Variants in KMT2D observed in about 807,000 individuals in gnomAD.
The protein encoded by KMT2D is histone-lysine N-methyltransferase 2D.
A neutral mutation model predicts 512.7 loss-of-function variants in KMT2D; 55 were observed. The observed-to-expected ratio is 0.11, with a 90% CI of 0.09 to 0.13. The LOEUF is 0.13. KMT2D is among the 10% of genes least tolerant of loss of function. The pLI, the probability that KMT2D is intolerant of heterozygous loss-of-function variation, is 1.00. For missense variants in KMT2D, 6,061 were observed against 7,127.9 expected (o/e 0.85, Z 5.39); for synonymous variants, 2,995 against 2,904.0 (o/e 1.03, Z -1.01).
At position 49,037,507 on chromosome 12, in the gene KMT2D, ATGC is replaced by A. The variant is rs758215754; in HGVS notation, c.9846_9848del (p.Gln3282del). 2 of 1,557,420 alleles carry A rather than the reference ATGC, an allele frequency of 1.3e-6. No homozygotes were observed. The highest frequency in any genetic ancestry group is 8.7e-7 in the Non-Finnish European group (1 of 1,150,426). ...CAGGGCCTGGTGCAGACAGTAGGGA[ATGC>A]TGCTGCTGCTGTTGCTGCTGCTGCT... On this transcript the variant is annotated inframe_deletion, in exon 35 of 55. Coordinates refer to ENST00000301067, the MANE Select transcript of KMT2D (RefSeq NM_003482.4).
Position 49,045,968 on chromosome 12 carries a change from C to T in KMT2D, c.4694-1G>A, listed in dbSNP as rs1489040551. On this transcript the variant is annotated splice_acceptor_variant, in intron 18 of 54. Coordinates refer to ENST00000301067, the MANE Select transcript of KMT2D (RefSeq NM_003482.4). LOFTEE classifies it high-confidence loss of function. Reference sequence around the variant, plus strand: ...ACCAGCTCTGGAGGTGCAACAGGCGCTATGGAGAGAAGGACAAACGGAGGT... The same window carrying T: ...ACCAGCTCTGGAGGTGCAACAGGCGTTATGGAGAGAAGGACAAACGGAGGT... 6.2e-7 allele frequency: 1 copy of T among 1,613,858 alleles called. No individual in the cohort carries two copies. The highest frequency in any genetic ancestry group is 1.3e-5 in the African/African-American group (1 of 74,912).
At position 49,031,384 on chromosome 12, in the gene KMT2D, C is replaced by G; in HGVS notation, c.13321G>C (p.Gly4441Arg). ...VKREANGEPIGAPGTSNHLLL... is the reference protein window; with the variant it reads ...VKREANGEPIRAPGTSNHLLL... ...AGGTGGTTGCTGGTTCCTGGTGCCCCTATTGGCTCCCCATTGGCCTCCCTC... is the reference window on the plus strand; with the variant it reads ...AGGTGGTTGCTGGTTCCTGGTGCCCGTATTGGCTCCCCATTGGCCTCCCTC... Residue 4441 changes from glycine (G) to arginine (R), a missense_variant, in exon 40 of 55, where the codon GGG becomes CGG. Transcript: ENST00000301067. 6.2e-7 allele frequency: 1 copy of G among 1,613,618 alleles called. No homozygotes were observed. Among genetic ancestry groups the G allele is most frequent in the Non-Finnish European group, 8.5e-7 (1 of 1,179,884 alleles).
Position 49,033,365 on chromosome 12 carries a change from G to A in KMT2D, c.11340C>T (p.Ser3780=), listed in dbSNP as rs1391189149. The change falls in exon 40 of 55, where the codon AGC becomes AGT. Residue 3780 remains serine (S), a synonymous_variant. Coordinates refer to ENST00000301067, the MANE Select transcript of KMT2D (RefSeq NM_003482.4). ...GCTGGACCAGGAGGCCTTGGTGGCT[G>A]CTGGGAGGCATAAGGCCCTGGGGCT... ...GPKPQGLMPP[S]SHQGLLVQQL... 2.5e-6 allele frequency: 4 copies of A among 1,583,802 alleles called. No individual in the cohort carries two copies. Among genetic ancestry groups the A allele is most frequent in the Non-Finnish European group, 3.4e-6 (4 of 1,165,162 alleles).
At position 49,051,392 on chromosome 12, in the gene KMT2D, T is replaced by C. The variant is rs1182333125; in HGVS notation, c.2291A>G (p.Gln764Arg). 6.2e-7 allele frequency: 1 copy of C among 1,603,560 alleles called. No homozygotes were observed. Among genetic ancestry groups the C allele is most frequent in the Admixed American group, 1.7e-5 (1 of 59,376 alleles). Residue 764 changes from glutamine (Q) to arginine (R), a missense_variant, in exon 11 of 55, where the codon CAG (glutamine) becomes CGG (arginine). By Grantham distance (43) the Gln-to-Arg change is conservative. Transcript: ENST00000301067. ...PRPEEPHLSP[Q>R]AEEPHLSPQP... ...GGGGGACAGGTGTGGCTCCTCAGCC[T>C]GCGGAGATAGGTGTGGCTCCTCAGG...
chr12:49,049,567 A>C, intron 12 of KMT2D, 115 bp downstream of exon 12: 1 of 1,165,142 alleles, frequency 8.6e-7, no homozygotes, highest in Non-Finnish European at 1.2e-6. Flanking sequence ...ACTGGAATAA[A>C]GGATCTCCAA....
intron 14 of KMT2D, 28 bp downstream of exon 14, chr12:49,048,626 ATGTTC>A: frequency 7.3e-7 from 1 of 1,377,940 alleles, no homozygotes; most frequent in Non-Finnish European, 1.0e-6. Context: ...CACATACACA[ATGTTC>A]AGTGTGCCAG....
At chr12:49,034,971 G>C (rs1367094922) in intron 35 of KMT2D, 36 bp from the exon 36 acceptor site, 1 of 1,610,916 alleles carries the variant, frequency 6.2e-7, no homozygotes, top group South Asian at 1.1e-5. Context: ...TGGGCTATGG[G>C]GCCAATGCTC....
Position 49,050,954 on chromosome 12 carries a change from G to A in KMT2D, c.2729C>T (p.Pro910Leu). The A allele has an allele frequency of 6.5e-7, 1 of 1,547,754 alleles. No individual in the cohort carries two copies. The highest frequency in any genetic ancestry group is 8.7e-7 in the Non-Finnish European group (1 of 1,148,064). ...GGACAACGGCAGCTCCTCGGGCAGAGGGGACAGAGGTGGTTCCCCAGGCTC... is the reference window on the plus strand; with the variant it reads ...GGACAACGGCAGCTCCTCGGGCAGAAGGGACAGAGGTGGTTCCCCAGGCTC... Reference protein sequence around the residue: ...LSEPGEPPLSPLPEELPLSPS... With the variant: ...LSEPGEPPLSLLPEELPLSPS... Residue 910 changes from proline (P) to leucine (L), a missense_variant, in exon 11 of 55, where the codon CCT becomes CTT. Physicochemically the swap from Pro to Leu is moderately conservative, Grantham distance 98 (BLOSUM62 -3). Transcript: ENST00000301067.
chr12:49,050,584 G>A lies in KMT2D; in HGVS notation c.3004C>T (p.Pro1002Ser), dbSNP rs1323906289. The change falls in exon 12 of 55, where the codon CCC becomes TCC. Residue 1002 changes from proline (P) to serine (S), a missense_variant. Physicochemically the swap from Pro to Ser is moderately conservative, Grantham distance 74 (BLOSUM62 -1). Around this residue, in one of 16 missense-constraint regions of KMT2D, gnomAD observed 447 missense variants for 500.1 expected, o/e 0.89. Coordinates refer to ENST00000301067, the MANE Select transcript of KMT2D (RefSeq NM_003482.4). ...DPEPVPPMILPPSPGSPVGPA... is the reference protein window; with the variant it reads ...DPEPVPPMILSPSPGSPVGPA... ...CCCACTGGGGAGCCTGGAGATGGGG[G>A]AAGGATCATAGGGGGGACAGGCTCA... The A allele has an allele frequency of 3.7e-6, 6 of 1,604,678 alleles. No individual in the cohort carries two copies. The East Asian group carries it at 6.7e-5, about 18-fold the overall frequency.
At position 49,054,372 on chromosome 12, in the gene KMT2D, C is replaced by T. The variant is rs1441285119; in HGVS notation, c.445G>A (p.Val149Ile). ...AGTTCTGGGCCCTCCTGCCCCCATA[C>T]GCCTGCCGACCATGCAGCACACCAA... ...HHWCAAWSAG[V>I]WGQEGPELCG... Residue 149 changes from valine (V) to isoleucine (I), a missense_variant, in exon 5 of 55, where the codon GTA becomes ATA. Val to Ile is a conservative substitution (Grantham distance 29). Transcript: ENST00000301067. The surrounding 1 kb of genome is among the most constrained non-coding windows in gnomAD (Gnocchi z 6.4). 3 of 1,596,336 alleles carry T rather than the reference C, an allele frequency of 1.9e-6. No homozygotes were observed. Among genetic ancestry groups the T allele is most frequent in the Non-Finnish European group, 2.6e-6 (3 of 1,171,590 alleles).
At chr12:49,029,503 G>C in intron 43 of KMT2D, 27 bp from the exon 44 acceptor site, 4 of 1,535,782 alleles carry the variant, frequency 2.6e-6, no homozygotes, top group Non-Finnish European at 3.5e-6. Flanking sequence ...GAGAAGAAAA[G>C]TCAGGTGAGG....
chr12:49,053,160 T>C (rs1014247624), intron 8 of KMT2D, 47 bp downstream of exon 8: 3 of 1,610,158 alleles, frequency 1.9e-6, no homozygotes, highest in Non-Finnish European at 2.5e-6. Flanking sequence ...GAGAATGCTG[T>C]AGCAGACACA....
Position 49,042,076 on chromosome 12 carries a change from A to G in KMT2D, c.6109+13T>C. 6.2e-7 allele frequency: 1 copy of G among 1,613,416 alleles called. No individual in the cohort carries two copies. The highest frequency in any genetic ancestry group is 8.5e-7 in the Non-Finnish European group (1 of 1,179,476). The stretch of plus-strand genomic sequence containing the variant: ...TTGCCAGGCTGTCTCCCTTGCCCTC[A>G]TCCCACAGGTACCTGGGTAGTCTTG... On this transcript the variant is annotated intron_variant, in intron 29 of 54. Transcript: ENST00000301067. This position sits in a 1 kb window ranked among gnomAD's most constrained non-coding sequence, Gnocchi z 4.4.
rs1339597071 is a variant in KMT2D at position 49,037,254 on chromosome 12, C to G, written c.10102G>C (p.Val3368Leu). Reference protein sequence around the residue: ...SGQHGGQAGLVPQQSSQPVLS... With the variant: ...SGQHGGQAGLLPQQSSQPVLS... ...ACTGGCTGTGAGCTCTGCTGGGGTA[C>G]CAAGCCTGCCTGCCCTCCATGCTGC... Residue 3368 changes from valine to leucine, a missense_variant, in exon 35 of 55, where the codon GTA becomes CTA. Val to Leu is a conservative substitution (Grantham distance 32). This residue lies in a region of KMT2D where 533 missense variants were observed against 539.6 expected (regional missense o/e 0.99). Transcript: ENST00000301067. 6.2e-7 allele frequency: 1 copy of G among 1,613,648 alleles called. No individual in the cohort carries two copies. Among genetic ancestry groups the G allele is most frequent in the Admixed American group, 1.7e-5 (1 of 60,006 alleles).
rs186586653 is a variant in KMT2D, at chr12:49,033,981, G to A, written c.10741-17C>T. The A allele has an allele frequency of 9.2e-5, 142 of 1,542,012 alleles. No homozygotes were observed. The highest frequency in any genetic ancestry group is 4.8e-5 in the East Asian group (2 of 41,280). ...TTTCCGGACCTAACATGGGAGGGTC[G>A]GAGAGGTCAGGCTGGGGCATGCTCC... is the stretch of plus-strand genomic sequence containing the variant. On this transcript the variant is annotated splice_polypyrimidine_tract_variant and intron_variant, in intron 39 of 54. Transcript: ENST00000301067.
chr12:49,041,497 G>C lies in KMT2D; in HGVS notation c.6273C>G (p.Gly2091=). The C allele has an allele frequency of 6.2e-7, 1 of 1,613,528 alleles. No individual in the cohort carries two copies. The highest frequency in any genetic ancestry group is 8.5e-7 in the Non-Finnish European group (1 of 1,179,654). Residue 2091 remains glycine, a synonymous_variant, in exon 32 of 55, where the codon GGC becomes GGG. Coordinates refer to ENST00000301067, the MANE Select transcript of KMT2D (RefSeq NM_003482.4). This position sits in a 1 kb window ranked among gnomAD's most constrained non-coding sequence, Gnocchi z 5.4. ...ESQINKQTKV[G]DIARKTDRPA... Reference sequence around the variant, plus strand: ...GTCGGTCAGTCTTACGGGCTATGTCGCCCACCTTGGTCTGCTTGTTGATCT... The same window carrying C: ...GTCGGTCAGTCTTACGGGCTATGTCCCCCACCTTGGTCTGCTTGTTGATCT...
rs1050767452 is a variant in KMT2D, at chr12:49,026,116, G to GT, written c.15784+65dup. ...AGCTACAGGTCCTCTTATAGACATT[G>GT]TAACAGTGACCCTGGGAGAAACTTT... On this transcript the variant is annotated intron_variant, in intron 49 of 54. Transcript: ENST00000301067. This position sits in a 1 kb window ranked among gnomAD's most constrained non-coding sequence, Gnocchi z 9.6. 3 of 1,444,540 alleles carry GT rather than the reference G, an allele frequency of 2.1e-6. No individual in the cohort carries two copies. The African/African-American group carries it at 4.3e-5, about 21-fold the overall frequency. The allele number at this position is 1,444,540 out of a possible 1,614,324, so 89.5% of individuals were successfully genotyped here.
Position 49,033,899 on chromosome 12 carries a change from T to C in KMT2D, c.10806A>G (p.Gln3602=), listed in dbSNP as rs769354644. 1.5e-5 allele frequency: 23 copies of C among 1,546,568 alleles called. No homozygotes were observed. Among genetic ancestry groups the C allele is most frequent in the African/African-American group, 8.2e-5 (6 of 72,976 alleles). ...GCTGTTGTTGCTGCTGCTGCTGCTG[T>C]TGTTGCTGCTGCTTGTTCCGATATT... ...MAEYRNKQQQ[Q]QQQQQQQQQQ... is the part of the protein sequence containing the mutation. Residue 3602 remains glutamine, a synonymous_variant, in exon 40 of 55, where the codon CAA becomes CAG. Coordinates refer to ENST00000301067, the MANE Select transcript of KMT2D (RefSeq NM_003482.4).
In KMT2D at chr12:49,019,605, T is replaced by G. The variant is rs542792078; in HGVS notation, c.*2175A>C. 4 of 229,502 alleles carry G rather than the reference T, an allele frequency of 1.7e-5. No individual in the cohort carries two copies. The South Asian group carries it at 7.2e-4, about 42-fold the overall frequency. 14.2% of individuals were successfully genotyped at this position (229,502 alleles called of 1,614,324 possible). A position where few individuals can be genotyped will look rare whatever the true frequency, so the allele number is the denominator to read the frequency against. On this transcript the variant is annotated 3_prime_UTR_variant, in exon 55 of 55. Transcript: ENST00000301067. ...GCCCAAGCCCCAAACACAGCCTGAC[T>G]CACGGGAGCCAATCTCCCCCTCCCT...
Sources: allele counts gnomAD v4.1 joint callset, GRCh38; gene constraint gnomAD v4.1.1; regional missense constraint gnomAD v4.1.1; non-coding constraint Gnocchi (gnomAD v3.1); transcripts MANE v1.5; gene names NCBI Gene and HGNC (gene_info 2026-07-23, HGNC 2026-07-21).